The following LRRC7 variants were observed in gnomAD, a reference collection of about 807,000 sequenced individuals.
LRRC7 encodes leucine rich repeat containing 7.
LRRC7 carries 23 observed loss-of-function variants against 175.7 expected under a neutral mutation model. The ratio of observed to expected loss-of-function variants is 0.13; its 90% CI spans 0.09 to 0.19. The LOEUF (loss-of-function observed/expected upper bound fraction) is 0.19. LRRC7 is among the 10% of genes least tolerant of loss of function. The pLI is 1.00. For missense variants in LRRC7, 1,354 were observed against 1,904.7 expected (o/e 0.71, Z 5.38); for synonymous variants, 685 against 680.9 (o/e 1.01, Z -0.09).
chr1:69,633,128 C>G (rs1055882761), intron 1 of LRRC7, among the ~76,000 whole-genome samples: 1 of 152,050 alleles, frequency 6.6e-6, no homozygotes, highest in Admixed American at 6.5e-5. Flanking sequence ...CCAAGTTTGA[C>G]CTGGAACTAT....
intron 7 of LRRC7, among the ~76,000 whole-genome samples, chr1:69,868,792 A>G (rs189840052): frequency 1.6e-4 from 24 of 152,204 alleles, no homozygotes; most frequent in Admixed American, 1.5e-3. Context: ...TCAAGGTGTC[A>G]GCAAGGTTGG....
At position 70,130,919 on chromosome 1, in the gene LRRC7, T is replaced by C. The variant is rs1223215318; in HGVS notation, c.*9032T>C. On this transcript the variant is annotated 3_prime_UTR_variant, in exon 27 of 27. Coordinates refer to ENST00000651989, the MANE Select transcript of LRRC7 (RefSeq NM_001370785.2). ...AAATGCTGCCCGTCCTTTAAGTAGA[T>C]AAAAGAATAGTCTGTCTACAGGCTG... Among the ~76,000 whole-genome samples the C allele has an allele frequency of 6.6e-6, 1 of 152,156 alleles. No homozygotes were observed. The highest frequency in any genetic ancestry group is 1.5e-5 in the Non-Finnish European group (1 of 68,030).
chr1:70,030,903 A>G (rs12048357), intron 18 of LRRC7, among the ~76,000 whole-genome samples: 14,478 of 152,242 alleles, frequency 0.095, 685 homozygotes, highest in South Asian at 0.13. Flanking sequence ...TGGCGGAGCC[A>G]TAAGAAAAAG....
intron 2 of LRRC7, among the ~76,000 whole-genome samples, chr1:69,733,151 A>C (rs1174624104): frequency 6.6e-6 from 1 of 152,102 alleles, no homozygotes; most frequent in African/African-American, 2.4e-5. Flanking sequence ...TGTGAAAAAA[A>C]GATGCTTTGA....
intron 1 of LRRC7, among the ~76,000 whole-genome samples, chr1:69,577,303 T>A (rs538728575): frequency 1.3e-5 from 2 of 152,362 alleles, no homozygotes; most frequent in East Asian, 1.9e-4. Flanking sequence ...TTTCTTTGTA[T>A]AATCATGTGT....
chr1:69,755,702 G>C (rs577721311), intron 2 of LRRC7, among the ~76,000 whole-genome samples: 30 of 151,874 alleles, frequency 2.0e-4, no homozygotes, highest in South Asian at 1.2e-3. Context: ...GCAAGAAATT[G>C]AAGAGACTTA....
intron 10 of LRRC7, among the ~76,000 whole-genome samples, chr1:69,987,193 C>T (rs1026295222): frequency 6.6e-6 from 1 of 151,968 alleles, no homozygotes; most frequent in Non-Finnish European, 1.5e-5. Flanking sequence ...TGCAGTGAGC[C>T]GAGATTATGC....
intron 2 of LRRC7, among the ~76,000 whole-genome samples, chr1:69,682,352 T>C (rs776570430): frequency 2.0e-5 from 3 of 152,110 alleles, no homozygotes; most frequent in Non-Finnish European, 4.4e-5. Context: ...CCAGCTTATA[T>C]CCAAGGAGAG....
At position 69,568,053 on chromosome 1, in the gene LRRC7, A is replaced by G. The variant is rs1292916365; in HGVS notation, c.-587A>G. 6.6e-6 allele frequency among the ~76,000 whole-genome samples: 1 copy of G among 151,940 alleles called. No homozygotes were observed. The highest frequency in any genetic ancestry group is 1.5e-5 in the Non-Finnish European group (1 of 67,964). On this transcript the variant is annotated 5_prime_UTR_variant, in exon 1 of 27. Coordinates refer to ENST00000651989, the MANE Select transcript of LRRC7 (RefSeq NM_001370785.2). Reference sequence around the variant, plus strand: ...TCGCCGGCGGGACCTGCAGCCGCCCACTCGGGCCACCGCCACCGCCTCCTG... The same window carrying G: ...TCGCCGGCGGGACCTGCAGCCGCCCGCTCGGGCCACCGCCACCGCCTCCTG...
intron 8 of LRRC7, among the ~76,000 whole-genome samples, chr1:69,978,322 G>A (rs1047130353): frequency 6.8e-6 from 1 of 146,994 alleles, no homozygotes; most frequent in African/African-American, 2.5e-5. Flanking sequence ...GGGGAGGGGA[G>A]GGAAAGGGAG....
intron 7 of LRRC7, among the ~76,000 whole-genome samples, chr1:69,865,963 G>T (rs930841236): frequency 2.3e-4 from 35 of 152,170 alleles, no homozygotes; most frequent in Admixed American, 1.8e-3. Flanking sequence ...AGTTTGGAAA[G>T]AAATAGTTAA....
intron 1 of LRRC7, among the ~76,000 whole-genome samples, chr1:69,677,032 G>A (rs1173772556): frequency 6.6e-6 from 1 of 151,656 alleles, no homozygotes; most frequent in Non-Finnish European, 1.5e-5. Flanking sequence ...AGAACATATG[G>A]TATTTGGTTT....
At chr1:69,862,399 T>C (rs918745637) in intron 7 of LRRC7, among the ~76,000 whole-genome samples, 22 of 152,086 alleles carry the variant, frequency 1.4e-4, no homozygotes, top group African/African-American at 5.3e-4. Context: ...AATCAAAAAT[T>C]AAAACTGAGT....
chr1:69,916,107 A>AT lies in LRRC7; in HGVS notation c.648-15400_648-15399insT, dbSNP rs869273321. Among the ~76,000 whole-genome samples, 29 of 49,120 alleles carry AT rather than the reference A, an allele frequency of 5.9e-4. 1 individual carries two copies. The highest frequency in any genetic ancestry group is 1.9e-3 in the African/African-American group (27 of 14,520). 32.2% of individuals were successfully genotyped at this position (49,120 alleles called of 152,430 possible). On this transcript the variant is annotated intron_variant, in intron 7 of 26. Transcript: ENST00000651989. The stretch of plus-strand genomic sequence containing the variant: ...TATATTATATACATATTTTATATAT[A>AT]ATATATATATTATATACATATTTTA...
chr1:69,598,580 C>T (rs1646933540), intron 1 of LRRC7, among the ~76,000 whole-genome samples: 1 of 151,934 alleles, frequency 6.6e-6, no homozygotes, highest in African/African-American at 2.4e-5. Context: ...CAGATGAGGC[C>T]CACCCACATT....
intron 1 of LRRC7, among the ~76,000 whole-genome samples, chr1:69,590,078 A>G (rs1646573098): frequency 6.6e-6 from 1 of 152,162 alleles, no homozygotes; most frequent in Admixed American, 6.6e-5. Flanking sequence ...TGTAGGAAAA[A>G]ATATTATCCA....
At chr1:69,750,527 A>G (rs1030949642) in intron 2 of LRRC7, among the ~76,000 whole-genome samples, 5 of 152,212 alleles carry the variant, frequency 3.3e-5, no homozygotes, top group African/African-American at 1.2e-4. Context: ...TTTTTAATTT[A>G]TCACAAGACC....
intron 3 of LRRC7, among the ~76,000 whole-genome samples, chr1:69,785,341 C>T (rs1234548971): frequency 6.6e-6 from 1 of 151,976 alleles, no homozygotes; most frequent in African/African-American, 2.4e-5. Flanking sequence ...GCTGTGTAAA[C>T]TTTCTTTTAG....
At chr1:69,656,078 A>G (rs980707768) in intron 1 of LRRC7, among the ~76,000 whole-genome samples, 6 of 152,024 alleles carry the variant, frequency 3.9e-5, no homozygotes, top group Non-Finnish European at 5.9e-5. Flanking sequence ...CAAAGAAACA[A>G]TAAGTGGTTA....
Sources: gnomAD v4.1 joint callset for allele counts (sites outside exome capture counted in the v4.1 genomes callset) on GRCh38, gnomAD v4.1.1 for gene constraint, MANE v1.5 for transcripts, NCBI Gene and HGNC (gene_info 2026-07-23, HGNC 2026-07-21) for gene names.